INPP5D: variants seen among roughly 807,000 people sequenced by gnomAD.
INPP5D encodes phosphatidylinositol 3,4,5-trisphosphate 5-phosphatase 1.
A neutral mutation model predicts 122.9 loss-of-function variants in INPP5D; 33 were observed. The observed-to-expected ratio is 0.27, with a 90% confidence interval of 0.20 to 0.36. The LOEUF (loss-of-function observed/expected upper bound fraction) is 0.36. INPP5D is among the 10% of genes least tolerant of loss of function. INPP5D has a pLI of 1.00. For synonymous variants in INPP5D, 584 were observed against 576.2 expected, an observed-to-expected ratio of 1.01 and a Z score of -0.19; for missense variants, 1,053 against 1,412.7, an observed-to-expected ratio of 0.75 and a Z score of 4.08.
intron 2 of INPP5D, among the ~76,000 whole-genome samples, chr2:233,119,558 T>C (rs1692904937): frequency 6.6e-6 from 1 of 152,032 alleles, no homozygotes; most frequent in Non-Finnish European, 1.5e-5. Flanking sequence ...TTGAAAAGAA[T>C]TTAGAACACC....
chr2:233,173,761 T>C (rs1485604570), intron 17 of INPP5D, among the ~76,000 whole-genome samples: 1 of 152,028 alleles, frequency 6.6e-6, no homozygotes. Context: ...GCAAAACTCT[T>C]GTCTCTACTA....
chr2:233,195,144 G>A (rs1695149328), intron 23 of INPP5D, among the ~76,000 whole-genome samples: 1 of 152,072 alleles, frequency 6.6e-6, no homozygotes, highest in Non-Finnish European at 1.5e-5. Context: ...GTTTCTTGCT[G>A]AGACCAGTAA....
In INPP5D at chr2:233,164,166, G is replaced by A. The variant is rs1011349896; in HGVS notation, c.1438-141G>A. 1.3e-5 allele frequency: 19 copies of A among 1,423,086 alleles called. No homozygotes were observed. Among genetic ancestry groups the A allele is most frequent in the African/African-American group, 1.3e-4 (9 of 69,472 alleles). 88.2% of individuals were successfully genotyped at this position (1,423,086 alleles called of 1,614,324 possible). ...TGTTTTGTCTCGCCTATCAAGCATC[G>A]CTGGGAGTCCCCCGAAGGGTTGGGA... is the stretch of plus-strand genomic sequence containing the variant. On this transcript the variant is annotated intron_variant, in intron 12 of 26. Transcript: ENST00000445964. The surrounding 1 kb of genome is among the most constrained non-coding windows in gnomAD (Gnocchi z 4.3).
chr2:233,109,461 G>A (rs902118084), intron 2 of INPP5D, among the ~76,000 whole-genome samples: 3 of 152,230 alleles, frequency 2.0e-5, no homozygotes, highest in Non-Finnish European at 4.4e-5. Flanking sequence ...GGCATCGTAG[G>A]TGTTTCCATG....
chr2:233,111,214 G>A (rs184626594), intron 2 of INPP5D, among the ~76,000 whole-genome samples: 5 of 152,194 alleles, frequency 3.3e-5, no homozygotes, highest in East Asian at 3.9e-4. Context: ...ACATTCAACC[G>A]TCAAAATCAG....
chr2:233,158,531 C>G (rs1280647189), intron 10 of INPP5D, 112 bp downstream of exon 10: 1 of 546,300 alleles, frequency 1.8e-6, no homozygotes, highest in Non-Finnish European at 3.2e-6. Context: ...GTTCCCAGAA[C>G]AACCCATTTC....
At chr2:233,201,079 GTCTC>G (rs571404991) in intron 25 of INPP5D, among the ~76,000 whole-genome samples, 7 of 152,060 alleles carry the variant, frequency 4.6e-5, no homozygotes, top group Non-Finnish European at 8.8e-5. Flanking sequence ...CAGCTCAGCT[GTCTC>G]TCTCTCTGCC....
chr2:233,205,106 T>G (rs1259818808), intron 26 of INPP5D: 1 of 175,484 alleles, frequency 5.7e-6, no homozygotes, highest in East Asian at 1.7e-4. Flanking sequence ...TGCAACTGAG[T>G]TTCGCCAGGC....
chr2:233,095,963 C>T lies in INPP5D; in HGVS notation c.198+16565C>T, dbSNP rs139059104. Among the ~76,000 whole-genome samples the T allele has an allele frequency of 1.1e-3, 171 of 152,314 alleles. 1 individual carries two copies. In the East Asian group the frequency reaches 0.017, roughly 15 times the overall value. On this transcript the variant is annotated intron_variant, in intron 2 of 26. Coordinates refer to ENST00000445964, the MANE Select transcript of INPP5D (RefSeq NM_001017915.3). Reference sequence around the variant, plus strand: ...TCTGCGATTTGCTTTCTTCCCTTAGCAATCTGTCCGTGAGATGGATCCAAG... The same window carrying T: ...TCTGCGATTTGCTTTCTTCCCTTAGTAATCTGTCCGTGAGATGGATCCAAG...
chr2:233,075,767 G>T (rs1177191709), intron 1 of INPP5D, among the ~76,000 whole-genome samples: 1 of 152,068 alleles, frequency 6.6e-6, no homozygotes, highest in African/African-American at 2.4e-5. Context: ...GGGCTGATGG[G>T]GTGTGTGTGG....
intron 1 of INPP5D, among the ~76,000 whole-genome samples, 196 bp from the exon 2 acceptor site, chr2:233,079,139 T>TG (rs1260800665): frequency 6.6e-6 from 1 of 151,884 alleles, no homozygotes; most frequent in African/African-American, 2.4e-5. Context: ...GCAGAAGCAG[T>TG]GGGGGAATAA....
At chr2:233,091,581 C>G (rs531372823) in intron 2 of INPP5D, among the ~76,000 whole-genome samples, 133 of 152,304 alleles carry the variant, frequency 8.7e-4, no homozygotes, top group Middle Eastern at 3.4e-3. Flanking sequence ...AATGCCGTTT[C>G]TAGGGCTCTG....
rs28459768 is a variant in INPP5D, at chr2:233,160,866, A to C, written c.1138-858A>C. On this transcript the variant is annotated intron_variant, in intron 10 of 26. Transcript: ENST00000445964. This position sits in a 1 kb window ranked among gnomAD's most constrained non-coding sequence, Gnocchi z 4.2. ...CCCAGGCTGGTCTCAAACTCCTGGG[A>C]TCAAACAATCCTTCTGCCTCAGCCT... Among the ~76,000 whole-genome samples the C allele has an allele frequency of 0.35, 53,725 of 152,038 alleles. 11,761 individuals are homozygous for C. The highest frequency in any genetic ancestry group is 0.49 in the Non-Finnish European group (33,528 of 67,956).
rs1013029758 is a variant in INPP5D, at chr2:233,186,040, A to T, written c.2358+115A>T. 6.8e-6 allele frequency: 9 copies of T among 1,321,504 alleles called. No homozygotes were observed. The Admixed American group carries it at 2.5e-4, about 37-fold the overall frequency. 81.9% of individuals were successfully genotyped at this position (1,321,504 alleles called of 1,614,324 possible). A position where few individuals can be genotyped will look rare whatever the true frequency, so the allele number is the denominator to read the frequency against. ...ACCAGAGGAAGCAGGAATCTCATAG[A>T]CCAAATGCAGAAAGAGACCCACTCT... On this transcript the variant is annotated intron_variant, in intron 21 of 26. Coordinates refer to ENST00000445964, the MANE Select transcript of INPP5D (RefSeq NM_001017915.3).
intron 19 of INPP5D, 21 bp downstream of exon 19, chr2:233,182,520 G>C (rs1316401324): frequency 1.2e-6 from 2 of 1,611,240 alleles, no homozygotes; most frequent in South Asian, 2.2e-5. Flanking sequence ...GATGGTGTCT[G>C]TTTCTCTGTT....
intron 9 of INPP5D, among the ~76,000 whole-genome samples, chr2:233,156,107 TGA>T (rs1694045660): frequency 1.3e-5 from 2 of 152,240 alleles, no homozygotes; most frequent in Non-Finnish European, 2.9e-5. Flanking sequence ...AGTCTGAGCC[TGA>T]GACCTGAGTG....
chr2:233,113,865 A>G (rs1464633535), intron 2 of INPP5D, among the ~76,000 whole-genome samples: 2 of 150,878 alleles, frequency 1.3e-5, no homozygotes, highest in Admixed American at 6.6e-5. Flanking sequence ...CACATCACAC[A>G]CACACCAGCT....
rs565573612 is a variant in INPP5D, at chr2:233,103,071, A to T, written c.199-19036A>T. Among the ~76,000 whole-genome samples the T allele has an allele frequency of 2.0e-5, 3 of 152,306 alleles. No homozygotes were observed. The East Asian group carries it at 5.8e-4, about 29-fold the overall frequency. ...TTTAAATTGACTGAAGTCATATCAT[A>T]GCTTTCATTCTGTGTTCCCCCTTTT... is the stretch of plus-strand genomic sequence containing the variant. On this transcript the variant is annotated intron_variant, in intron 2 of 26. Coordinates refer to ENST00000445964, the MANE Select transcript of INPP5D (RefSeq NM_001017915.3).
At chr2:233,106,015 T>C (rs1017001311) in intron 2 of INPP5D, among the ~76,000 whole-genome samples, 1 of 152,202 alleles carries the variant, frequency 6.6e-6, no homozygotes, top group African/African-American at 2.4e-5. Context: ...TTGTGTGACA[T>C]TGGACAAGTT....
Sources: allele counts gnomAD v4.1 joint callset (sites outside exome capture counted in the v4.1 genomes callset), GRCh38; gene constraint gnomAD v4.1.1; non-coding constraint Gnocchi (gnomAD v3.1); transcripts MANE v1.5; gene names NCBI Gene and HGNC (gene_info 2026-07-23, HGNC 2026-07-21).